Variants in HPSE2 observed in about 807,000 individuals in gnomAD.
HPSE2 encodes heparanase 2 (inactive).
HPSE2 carries 38 observed loss-of-function variants against 60.5 expected under a neutral mutation model. That is an observed-to-expected ratio of 0.63 (90% CI 0.48 to 0.82). HPSE2 has a LOEUF of 0.82. Ranked by LOEUF, HPSE2 falls within the 40% of genes least tolerant of loss-of-function variation. HPSE2 has a pLI of 0.00. For synonymous variants in HPSE2, 295 were observed against 293.2 expected (o/e 1.01, Z -0.06); for missense variants, 713 against 740.4 (o/e 0.96, Z 0.43).
At chr10:99,303,270 A>G in the HPSE2 span, among the ~76,000 whole-genome samples, 1 of 152,148 alleles carries the variant, frequency 6.6e-6, no homozygotes, top group Non-Finnish European at 1.5e-5. Context: ...ATGTGTAAAG[A>G]TGGCTCCAAA....
At chr10:99,251,006 C>T in the HPSE2 span, among the ~76,000 whole-genome samples, 1 of 152,074 alleles carries the variant, frequency 6.6e-6, no homozygotes, top group Non-Finnish European at 1.5e-5. Context: ...AAAATCAGAG[C>T]AGAATTGAGC....
rs193226957 is a variant in HPSE2 at position 98,781,621 on chromosome 10, C to G, written c.611-37565G>C. On this transcript the variant is annotated intron_variant, in intron 3 of 11. Transcript: ENST00000370552. The stretch of plus-strand genomic sequence containing the variant: ...AAGAAACATATAAAAATACATATTT[C>G]AACTTTACTTGTAATCAAAGAAATA... 6.6e-3 allele frequency among the ~76,000 whole-genome samples: 1,004 copies of G among 152,236 alleles called. 2 individuals are homozygous for G. The highest frequency in any genetic ancestry group is 0.026 in the South Asian group (127 of 4,824).
the HPSE2 span, among the ~76,000 whole-genome samples, chr10:99,274,948 C>A: frequency 6.6e-6 from 1 of 152,170 alleles, no homozygotes; most frequent in Admixed American, 6.5e-5. Flanking sequence ...TCTTCAAGGG[C>A]ACCCTTTTCC....
chr10:98,732,508 A>G (rs1949252138), intron 4 of HPSE2, among the ~76,000 whole-genome samples: 1 of 152,114 alleles, frequency 6.6e-6, no homozygotes, highest in Non-Finnish European at 1.5e-5. Context: ...TTTTTTTACA[A>G]AGGTGCCAAG....
At chr10:99,045,231 A>C (rs982871247) in intron 3 of HPSE2, among the ~76,000 whole-genome samples, 3 of 152,212 alleles carry the variant, frequency 2.0e-5, no homozygotes, top group Non-Finnish European at 4.4e-5. Context: ...ATACATGGAA[A>C]TTTAACAATT....
chr10:99,172,482 C>G (rs1341924790), intron 2 of HPSE2, among the ~76,000 whole-genome samples: 1 of 152,128 alleles, frequency 6.6e-6, no homozygotes, highest in Non-Finnish European at 1.5e-5. Context: ...ATATTGGACA[C>G]TATATTGGAC....
At chr10:99,247,377 T>C in the HPSE2 span, among the ~76,000 whole-genome samples, 1 of 152,262 alleles carries the variant, frequency 6.6e-6, no homozygotes, top group Non-Finnish European at 1.5e-5. Context: ...TTACTATGTA[T>C]TTTTAAAAGT....
intron 9 of HPSE2, among the ~76,000 whole-genome samples, chr10:98,545,626 A>G (rs1943643818): frequency 6.6e-6 from 1 of 152,232 alleles, no homozygotes; most frequent in Non-Finnish European, 1.5e-5. Flanking sequence ...AAAAACGCTC[A>G]ATAAATTAGG....
chr10:98,688,607 C>G (rs1336638759), intron 6 of HPSE2, among the ~76,000 whole-genome samples: 2 of 150,990 alleles, frequency 1.3e-5, no homozygotes, highest in African/African-American at 4.9e-5. Flanking sequence ...TCCTGAGTAG[C>G]TGGGATTACA....
chr10:99,041,723 A>T (rs1272397335), intron 3 of HPSE2, among the ~76,000 whole-genome samples: 1 of 152,150 alleles, frequency 6.6e-6, no homozygotes, highest in Non-Finnish European at 1.5e-5. Flanking sequence ...GGAACAGCCA[A>T]CTGGCCTGGG....
chr10:99,276,438 C>A, the HPSE2 span, among the ~76,000 whole-genome samples: 1 of 152,070 alleles, frequency 6.6e-6, no homozygotes. Flanking sequence ...TGCTTCCAGC[C>A]CAGGGTTTTT....
chr10:98,924,178 C>A (rs960212592), intron 3 of HPSE2, among the ~76,000 whole-genome samples: 1 of 152,204 alleles, frequency 6.6e-6, no homozygotes, highest in Admixed American at 6.5e-5. Flanking sequence ...GATTACCAGG[C>A]AGAAACCCTT....
intron 3 of HPSE2, among the ~76,000 whole-genome samples, chr10:98,813,191 C>A (rs772319343): frequency 6.6e-6 from 1 of 152,138 alleles, no homozygotes; most frequent in Non-Finnish European, 1.5e-5. Context: ...TCTTACCAAG[C>A]GTTAAACAAC....
intron 3 of HPSE2, among the ~76,000 whole-genome samples, chr10:99,045,510 G>A (rs1957834714): frequency 6.6e-6 from 1 of 151,886 alleles, no homozygotes; most frequent in Non-Finnish European, 1.5e-5. Flanking sequence ...ATGAAATTGA[G>A]ATGCAAAAAT....
At chr10:98,702,584 C>T (rs1047872205) in intron 5 of HPSE2, among the ~76,000 whole-genome samples, 1 of 152,288 alleles carries the variant, frequency 6.6e-6, no homozygotes, top group Admixed American at 6.5e-5. Context: ...TCATAACAGT[C>T]TCTCAGACCA....
chr10:99,310,974 A>G, the HPSE2 span, among the ~76,000 whole-genome samples: 2 of 152,112 alleles, frequency 1.3e-5, no homozygotes, highest in Non-Finnish European at 2.9e-5. Flanking sequence ...TATCATTTTT[A>G]TTTCTCCTAT....
intron 3 of HPSE2, among the ~76,000 whole-genome samples, chr10:98,917,062 T>C (rs1174237568): frequency 1.3e-5 from 2 of 151,990 alleles, no homozygotes; most frequent in Non-Finnish European, 2.9e-5. Context: ...ATTACAAGGG[T>C]TGTGCTGGGT....
At chr10:99,087,301 T>G (rs531638978) in intron 3 of HPSE2, among the ~76,000 whole-genome samples, 2 of 152,206 alleles carry the variant, frequency 1.3e-5, no homozygotes, top group Non-Finnish European at 2.9e-5. Flanking sequence ...AACTTCCCTT[T>G]CATGGTTAGT....
chr10:98,537,052 T>C (rs529783562), intron 9 of HPSE2, among the ~76,000 whole-genome samples: 18 of 152,234 alleles, frequency 1.2e-4, no homozygotes, highest in African/African-American at 4.1e-4. Context: ...TTGGCCTCAG[T>C]GTAGAAAATG....
Sources: gnomAD v4.1 joint callset for allele counts (sites outside exome capture counted in the v4.1 genomes callset) on GRCh38, gnomAD v4.1.1 for gene constraint, MANE v1.5 for transcripts, NCBI Gene and HGNC (gene_info 2026-07-23, HGNC 2026-07-21) for gene names.